The following PHLPP2 variants were observed in gnomAD, a reference collection of about 807,000 sequenced individuals.
The protein encoded by PHLPP2 is PH domain leucine-rich repeat-containing protein phosphatase 2.
Under a neutral mutation model 124.9 loss-of-function variants are expected in PHLPP2, and 66 were observed. That is an observed-to-expected ratio of 0.53 (90% CI 0.43 to 0.65). The LOEUF is 0.65. Among genes scored for constraint, PHLPP2 ranks in the 30% least tolerant of loss-of-function variants. The pLI, the probability that PHLPP2 is intolerant of heterozygous loss-of-function variation, is 0.00. For missense variants in PHLPP2, 1,685 were observed against 1,600.4 expected, an observed-to-expected ratio of 1.05 and a Z score of -0.90; for synonymous variants, 681 against 624.7, an observed-to-expected ratio of 1.09 and a Z score of -1.34.
At chr16:71,719,901 G>C (rs2045386991) in intron 1 of PHLPP2, among the ~76,000 whole-genome samples, 1 of 148,946 alleles carries the variant, frequency 6.7e-6, no homozygotes, top group African/African-American at 2.5e-5. Flanking sequence ...GGGTTCAAGC[G>C]ATTTTCCTGC....
intron 4 of PHLPP2, among the ~76,000 whole-genome samples, chr16:71,687,332 TC>T (rs1158757365): frequency 6.6e-6 from 1 of 152,228 alleles, no homozygotes; most frequent in Non-Finnish European, 1.5e-5. Context: ...ACATAAACTT[TC>T]ATATAAATGT....
Position 71,649,365 on chromosome 16 carries a change from T to C in PHLPP2, c.3497A>G (p.Glu1166Gly). 1 of 1,613,648 alleles carries C rather than the reference T, an allele frequency of 6.2e-7. No individual in the cohort carries two copies. The highest frequency in any genetic ancestry group is 8.5e-7 in the Non-Finnish European group (1 of 1,179,572). ...GCAGCAGTGGATGTCTACTTCCACC[T>C]CTACCTTGCTGCCATTGGTTATGAC... is the stretch of plus-strand genomic sequence containing the variant. ...EGVITNGSKVEVEVDIHCCRG... is the reference protein window; with the variant it reads ...EGVITNGSKVGVEVDIHCCRG... Residue 1166 changes from glutamate to glycine, a missense_variant, in exon 19 of 19, where the codon GAG becomes GGG. By Grantham distance (98) the Glu-to-Gly change is moderately conservative (BLOSUM62 -2). Coordinates refer to ENST00000568954, the MANE Select transcript of PHLPP2 (RefSeq NM_015020.3).
In PHLPP2 at chr16:71,645,482, A is replaced by G. The variant is rs1268060732; in HGVS notation, c.*3408T>C. On this transcript the variant is annotated 3_prime_UTR_variant, in exon 19 of 19. Coordinates refer to ENST00000568954, the MANE Select transcript of PHLPP2 (RefSeq NM_015020.3). Reference sequence around the variant, plus strand: ...TATTTAATAATTGGTACATTTATCGATAACAGCCAGCTGCTCCCTTATGGA... The same window carrying G: ...TATTTAATAATTGGTACATTTATCGGTAACAGCCAGCTGCTCCCTTATGGA... The G allele has an allele frequency of 6.5e-6, 1 of 152,688 alleles. No individual in the cohort carries two copies. The highest frequency in any genetic ancestry group is 1.5e-5 in the Non-Finnish European group (1 of 68,070). The allele number at this position is 152,688 out of a possible 1,614,324, so 9.5% of individuals were successfully genotyped here. A position where few individuals can be genotyped will look rare whatever the true frequency, so the allele number is the denominator to read the frequency against.
intron 2 of PHLPP2, among the ~76,000 whole-genome samples, chr16:71,713,942 TTTC>T (rs1312991207): frequency 5.4e-5 from 8 of 147,768 alleles, no homozygotes; most frequent in Non-Finnish European, 6.0e-5. Context: ...AACAACAACT[TTTC>T]TTTTTTTTTT....
At chr16:71,655,581 C>T (rs2044735480) in intron 16 of PHLPP2, 147 bp from the exon 17 acceptor site, 5 of 583,914 alleles carry the variant, frequency 8.6e-6, no homozygotes, top group Non-Finnish European at 1.5e-5. Context: ...TGCCTCACTG[C>T]AAGCTCCACC....
rs2030868663 is a variant in PHLPP2, at chr16:71,658,301, T to G, written c.2211A>C (p.Thr737=). ...TTCCAGTCAGGTCAAGGTCTTGTAA[T>G]GTAGCAGGCAAAGCCTCTGGAATCA... The part of the protein sequence containing the change: ...EILIPEALPA[T]LQDLDLTGNT... Residue 737 remains threonine, a synonymous_variant, in exon 15 of 19, where the codon ACA becomes ACC. Coordinates refer to ENST00000568954, the MANE Select transcript of PHLPP2 (RefSeq NM_015020.3). 4 of 1,613,772 alleles carry G rather than the reference T, an allele frequency of 2.5e-6. No homozygotes were observed. The South Asian group carries it at 4.4e-5, about 18-fold the overall frequency.
At chr16:71,659,410 C>T (rs897640690) in intron 13 of PHLPP2, among the ~76,000 whole-genome samples, 1 of 152,082 alleles carries the variant, frequency 6.6e-6, no homozygotes, top group African/African-American at 2.4e-5. Context: ...CGCCACCACG[C>T]CCGGCTAATT....
At chr16:71,656,059 A>ACACCTATGGTT (rs2044739701) in intron 16 of PHLPP2, among the ~76,000 whole-genome samples, 1 of 151,774 alleles carries the variant, frequency 6.6e-6, no homozygotes, top group Non-Finnish European at 1.5e-5. Flanking sequence ...CCACCAGAGC[A>ACACCTATGGTT]CACCTATGGT....
At chr16:71,671,857 C>T (rs537843634) in intron 10 of PHLPP2, among the ~76,000 whole-genome samples, 4 of 151,864 alleles carry the variant, frequency 2.6e-5, no homozygotes, top group South Asian at 2.1e-4. Context: ...GAGCTTGCAG[C>T]GAGCCGAGAT....
At chr16:71,693,040 C>T (rs28439683) in intron 3 of PHLPP2, among the ~76,000 whole-genome samples, 52,905 of 152,038 alleles carry the variant, frequency 0.35, 9,986 homozygotes, top group East Asian at 0.76. Flanking sequence ...CCTGTAATCC[C>T]AGCACTTTGG....
At chr16:71,723,784 C>A in intron 1 of PHLPP2, 1 of 1,316,652 alleles carries the variant, frequency 7.6e-7, no homozygotes, top group Non-Finnish European at 9.8e-7. Context: ...GGACCCGGAT[C>A]CCTCCCGGCC....
At chr16:71,687,763 TCA>T (rs1388655566) in intron 4 of PHLPP2, among the ~76,000 whole-genome samples, 4 of 152,212 alleles carry the variant, frequency 2.6e-5, no homozygotes, top group Non-Finnish European at 5.9e-5. Flanking sequence ...ATCTAAACAC[TCA>T]TTTTGTCTTC....
chr16:71,665,942 GA>G (rs2044836133), intron 12 of PHLPP2: 1 of 152,220 alleles, frequency 6.6e-6, no homozygotes, highest in Non-Finnish European at 1.5e-5. Context: ...AGCTGCTAAA[GA>G]GAGAACAAGC....
intron 2 of PHLPP2, among the ~76,000 whole-genome samples, chr16:71,710,628 A>C (rs192637163): frequency 1.3e-5 from 2 of 152,392 alleles, no homozygotes; most frequent in Non-Finnish European, 2.9e-5. Context: ...TCTGAAGTAC[A>C]GCACATCTCT....
intron 17 of PHLPP2, among the ~76,000 whole-genome samples, chr16:71,653,658 G>A (rs1383142090): frequency 1.3e-5 from 2 of 152,192 alleles, no homozygotes; most frequent in Admixed American, 1.3e-4. Context: ...CACTCAGCAA[G>A]CCATTTCTCC....
chr16:71,677,136 G>A (rs2044954254), intron 8 of PHLPP2: 7 of 160,996 alleles, frequency 4.3e-5, no homozygotes, highest in East Asian at 1.8e-4. Context: ...AATAACTCAA[G>A]GTACAGCTAA....
chr16:71,683,980 C>T (rs556397121), intron 5 of PHLPP2, among the ~76,000 whole-genome samples: 82 of 151,966 alleles, frequency 5.4e-4, no homozygotes, highest in Admixed American at 1.7e-3. Flanking sequence ...TTAGTAGAGA[C>T]GGGGTTTCTC....
intron 10 of PHLPP2, among the ~76,000 whole-genome samples, chr16:71,670,072 G>C (rs1413942802): frequency 1.3e-5 from 2 of 152,156 alleles, no homozygotes; most frequent in East Asian, 3.8e-4. Context: ...GAAATATGTG[G>C]GTTAGAATAT....
chr16:71,701,292 CTATCTATCTATCTATCTATCTATA>C (rs1185880919), intron 3 of PHLPP2, among the ~76,000 whole-genome samples: 1 of 91,650 alleles, frequency 1.1e-5, no homozygotes, highest in African/African-American at 4.3e-5. Flanking sequence ...ATCTATCTAT[CTATCTATCTATCTATCTATCTATA>C]TATCTATCTA....
Sources: gnomAD v4.1 joint callset for allele counts (sites outside exome capture counted in the v4.1 genomes callset) on GRCh38, gnomAD v4.1.1 for gene constraint, MANE v1.5 for transcripts, NCBI Gene and HGNC (gene_info 2026-07-23, HGNC 2026-07-21) for gene names.